The following SLC5A3 variants were observed in gnomAD, a reference collection of about 807,000 sequenced individuals.
SLC5A3 encodes sodium/myo-inositol cotransporter.
Under a neutral mutation model 43.2 loss-of-function variants are expected in SLC5A3, and 10 were observed. The observed-to-expected ratio is 0.23, with a 90% CI of 0.14 to 0.39. SLC5A3 has a LOEUF of 0.39. Among genes scored for constraint, SLC5A3 ranks in the 10% least tolerant of loss-of-function variants. The pLI is 1.00. For missense variants in SLC5A3, 608 were observed against 893.4 expected, an observed-to-expected ratio of 0.68 and a Z score of 4.07; for synonymous variants, 349 against 322.0, an observed-to-expected ratio of 1.08 and a Z score of -0.90.
In SLC5A3 at chr21:34,099,218, G is replaced by T. The variant is rs1979118943; in HGVS notation, c.*1863G>T. ...TTTTTTTCTCAATTTTATTCTTGAG[G>T]TTTATAATTTGGGGGCCAAATAGAT... On this transcript the variant is annotated 3_prime_UTR_variant, in exon 2 of 2. Coordinates refer to ENST00000381151, the MANE Select transcript of SLC5A3 (RefSeq NM_006933.7). 1 of 1,000,086 alleles carries T rather than the reference G, an allele frequency of 1.0e-6. No individual in the cohort carries two copies. The highest frequency in any genetic ancestry group is 5.2e-4 in the Middle Eastern group (1 of 1,916). 62.0% of individuals were successfully genotyped at this position (1,000,086 alleles called of 1,614,324 possible).
At position 34,104,422 on chromosome 21, in the gene SLC5A3, C is replaced by T; in HGVS notation, c.*7067C>T. The T allele has an allele frequency of 1.0e-6, 1 of 1,000,108 alleles. No individual in the cohort carries two copies. The highest frequency in any genetic ancestry group is 4.7e-5 in the South Asian group (1 of 21,280). The allele number at this position is 1,000,108 out of a possible 1,614,324, so 62.0% of individuals were successfully genotyped here. On this transcript the variant is annotated 3_prime_UTR_variant, in exon 2 of 2. Transcript: ENST00000381151. Reference sequence around the variant, plus strand: ...ATCAAGAATGAATGAATGTCTTTGTCTTAAATTTTGCCCATGTGTTAAAAG... The same window carrying T: ...ATCAAGAATGAATGAATGTCTTTGTTTTAAATTTTGCCCATGTGTTAAAAG...
At chr21:34,075,179 A>T (rs760037637) in intron 1 of SLC5A3, among the ~76,000 whole-genome samples, 10 of 152,232 alleles carry the variant, frequency 6.6e-5, no homozygotes, top group Non-Finnish European at 1.5e-4. Flanking sequence ...GTTTTAGGGA[A>T]TGTGGAACCT....
chr21:34,100,718 C>G lies in SLC5A3; in HGVS notation c.*3363C>G, dbSNP rs112609870. The G allele has an allele frequency of 5.5e-3, 5,454 of 1,000,172 alleles. 107 individuals are homozygous for G. The South Asian group carries it at 0.078, about 14-fold the overall frequency. 62.0% of individuals were successfully genotyped at this position (1,000,172 alleles called of 1,614,324 possible). A position where few individuals can be genotyped will look rare whatever the true frequency, so the allele number is the denominator to read the frequency against. ...AACTTGAGGCTAAGCAAGGGGTTAA[C>G]TCTTGTGAGAGCCAATAGAGTGTGT... On this transcript the variant is annotated 3_prime_UTR_variant, in exon 2 of 2. Coordinates refer to ENST00000381151, the MANE Select transcript of SLC5A3 (RefSeq NM_006933.7).
In SLC5A3 at chr21:34,097,048, C is replaced by T. The variant is rs1168133390; in HGVS notation, c.1850C>T (p.Ala617Val). 3.1e-6 allele frequency: 5 copies of T among 1,614,002 alleles called. No homozygotes were observed. The highest frequency in any genetic ancestry group is 3.4e-6 in the Non-Finnish European group (4 of 1,180,002). The change falls in exon 2 of 2, where the codon GCA becomes GTA. Residue 617 changes from alanine to valine, a missense_variant. Around this residue, in one of 2 missense-constraint regions of SLC5A3, gnomAD observed 210 missense variants for 224.8 expected, o/e 0.93. Transcript: ENST00000381151. Reference protein sequence around the residue: ...VTCREEGNPVASLGHSEAETP... With the variant: ...VTCREEGNPVVSLGHSEAETP... ...TGCAGAGAGGAGGGCAACCCAGTGG[C>T]ATCCTTAGGTCATTCAGAGGCAGAA...
intron 1 of SLC5A3, among the ~76,000 whole-genome samples, chr21:34,074,272 T>A (rs946809498): frequency 6.6e-6 from 1 of 152,154 alleles, no homozygotes; most frequent in African/African-American, 2.4e-5. Flanking sequence ...AAAGCGTTCC[T>A]CCAAAGCTTG....
rs1230460142 is a variant in SLC5A3, at chr21:34,095,654, G to A, written c.456G>A (p.Glu152=). The part of the protein sequence containing the change: ...DLYSGALFIQ[E]SLGWNLYVSV... The stretch of plus-strand genomic sequence containing the variant: ...ATTCGGGTGCCCTTTTTATCCAGGA[G>A]TCTTTGGGTTGGAATCTTTATGTGT... Residue 152 remains glutamate, a synonymous_variant, in exon 2 of 2, where the codon GAG becomes GAA. Coordinates refer to ENST00000381151, the MANE Select transcript of SLC5A3 (RefSeq NM_006933.7). 1 of 1,613,466 alleles carries A rather than the reference G, an allele frequency of 6.2e-7. No homozygotes were observed. The highest frequency in any genetic ancestry group is 8.5e-7 in the Non-Finnish European group (1 of 1,179,894).
At chr21:34,077,585 C>A (rs1054681556) in intron 1 of SLC5A3, among the ~76,000 whole-genome samples, 1 of 151,982 alleles carries the variant, frequency 6.6e-6, no homozygotes, top group African/African-American at 2.4e-5. Context: ...ATATATATAT[C>A]TTCATATGTT....
intron 1 of SLC5A3, among the ~76,000 whole-genome samples, chr21:34,086,115 C>T (rs993333141): frequency 1.3e-5 from 2 of 152,150 alleles, no homozygotes; most frequent in East Asian, 1.9e-4. Flanking sequence ...TTTACCTTTC[C>T]GGATTTGGCT....
At chr21:34,079,523 C>G (rs978645428) in intron 1 of SLC5A3, among the ~76,000 whole-genome samples, 3 of 151,488 alleles carry the variant, frequency 2.0e-5, no homozygotes, top group Admixed American at 6.6e-5. Context: ...GCAACCTCTG[C>G]CTCCTGGGTT....
intron 1 of SLC5A3, among the ~76,000 whole-genome samples, chr21:34,094,041 C>T (rs536696065): frequency 5.9e-5 from 9 of 152,278 alleles, no homozygotes; most frequent in African/African-American, 1.4e-4. Flanking sequence ...TAGTCAGTGC[C>T]GTTATCCTCT....
In SLC5A3 at chr21:34,106,248, A is replaced by G; in HGVS notation, c.*8893A>G. The G allele has an allele frequency of 1.2e-6, 1 of 860,630 alleles. No homozygotes were observed. The allele number at this position is 860,630 out of a possible 1,614,324, so 53.3% of individuals were successfully genotyped here. A position where few individuals can be genotyped will look rare whatever the true frequency, so the allele number is the denominator to read the frequency against. ...GCAATTCTGTACCAACTTTGAATAAAATGAAAAATTTATATTTCTGTGACT... is the reference window on the plus strand; with the variant it reads ...GCAATTCTGTACCAACTTTGAATAAGATGAAAAATTTATATTTCTGTGACT... On this transcript the variant is annotated 3_prime_UTR_variant, in exon 2 of 2. Transcript: ENST00000381151.
chr21:34,091,563 C>G (rs956905272), intron 1 of SLC5A3, among the ~76,000 whole-genome samples: 6 of 151,972 alleles, frequency 3.9e-5, no homozygotes, highest in Non-Finnish European at 8.8e-5. Context: ...CTTTTTTTCT[C>G]TTTCTATTTG....
chr21:34,083,755 C>T (rs1211397504), intron 1 of SLC5A3, among the ~76,000 whole-genome samples: 1 of 152,174 alleles, frequency 6.6e-6, no homozygotes, highest in Non-Finnish European at 1.5e-5. Context: ...GAATGCCATT[C>T]TCATGTGTGG....
rs536885873 is a variant in SLC5A3 at position 34,105,858 on chromosome 21, C to T, written c.*8503C>T. The T allele has an allele frequency of 3.0e-6, 3 of 994,256 alleles. No individual in the cohort carries two copies. The highest frequency in any genetic ancestry group is 2.3e-4 in the East Asian group (2 of 8,788). The allele number at this position is 994,256 out of a possible 1,614,324, so 61.6% of individuals were successfully genotyped here. A position where few individuals can be genotyped will look rare whatever the true frequency, so the allele number is the denominator to read the frequency against. ...GGTTATTTCTATATTGAAAGGAGTA[C>T]AGTTGAAATTGTAGATTTAAGATTG... On this transcript the variant is annotated 3_prime_UTR_variant, in exon 2 of 2. Transcript: ENST00000381151.
Position 34,097,790 on chromosome 21 carries a change from T to C in SLC5A3, c.*435T>C. 2.0e-6 allele frequency: 2 copies of C among 1,000,982 alleles called. No homozygotes were observed. Among genetic ancestry groups the C allele is most frequent in the African/African-American group, 1.7e-5 (1 of 57,386 alleles). 62.0% of individuals were successfully genotyped at this position (1,000,982 alleles called of 1,614,324 possible). ...CCCTCCTACCATTAAGAAAAACTTA[T>C]TTCTTAGACATTGTACAATCAGTTA... On this transcript the variant is annotated 3_prime_UTR_variant, in exon 2 of 2. Transcript: ENST00000381151.
chr21:34,076,686 G>C (rs1413605323), intron 1 of SLC5A3, among the ~76,000 whole-genome samples: 1 of 152,172 alleles, frequency 6.6e-6, no homozygotes, highest in Non-Finnish European at 1.5e-5. Context: ...TGAAAAGTAG[G>C]TAAAAGTGTG....
At chr21:34,077,169 A>G (rs1240245084) in intron 1 of SLC5A3, among the ~76,000 whole-genome samples, 2 of 152,164 alleles carry the variant, frequency 1.3e-5, no homozygotes, top group Admixed American at 6.5e-5. Flanking sequence ...TTCACTTGAT[A>G]ATTAGATTTT....
At position 34,098,259 on chromosome 21, in the gene SLC5A3, C is replaced by T; in HGVS notation, c.*904C>T. ...ATTCTGCTAATTTTCTAGCTTTATTCTTGTTATTTGGAAAAATTATTAGCC... is the reference window on the plus strand; with the variant it reads ...ATTCTGCTAATTTTCTAGCTTTATTTTTGTTATTTGGAAAAATTATTAGCC... On this transcript the variant is annotated 3_prime_UTR_variant, in exon 2 of 2. Coordinates refer to ENST00000381151, the MANE Select transcript of SLC5A3 (RefSeq NM_006933.7). 2 of 999,836 alleles carry T rather than the reference C, an allele frequency of 2.0e-6. No individual in the cohort carries two copies. The highest frequency in any genetic ancestry group is 2.4e-6 in the Non-Finnish European group (2 of 829,788). 61.9% of individuals were successfully genotyped at this position (999,836 alleles called of 1,614,324 possible).
chr21:34,079,059 C>T (rs765147435), intron 1 of SLC5A3, among the ~76,000 whole-genome samples: 2 of 152,188 alleles, frequency 1.3e-5, no homozygotes, highest in Non-Finnish European at 2.9e-5. Context: ...GTTAATTCAG[C>T]CTCTTATCCT....
Sources: gnomAD v4.1 joint callset for allele counts (sites outside exome capture counted in the v4.1 genomes callset) on GRCh38, gnomAD v4.1.1 for gene constraint, gnomAD v4.1.1 regional missense constraint, MANE v1.5 for transcripts, NCBI Gene and HGNC (gene_info 2026-07-23, HGNC 2026-07-21) for gene names.